PDE11A: variants seen among roughly 807,000 people sequenced by gnomAD.
PDE11A encodes phosphodiesterase 11A, also known as dual 3',5'-cyclic-AMP and -GMP phosphodiesterase 11A.
A neutral mutation model predicts 100.5 loss-of-function variants in PDE11A; 100 were observed. The observed-to-expected ratio is 1.00, with a 90% CI of 0.85 to 1.18. PDE11A has a LOEUF of 1.18. Among genes scored for constraint, PDE11A ranks in the 50% most tolerant of loss-of-function variants. PDE11A has a pLI of 0.00. For synonymous variants in PDE11A, 381 were observed against 420.8 expected (o/e 0.91, Z 1.16); for missense variants, 1,141 against 1,152.6 (o/e 0.99, Z 0.15).
At chr2:177,743,696 A>C (rs911066926) in intron 10 of PDE11A, among the ~76,000 whole-genome samples, 1 of 152,232 alleles carries the variant, frequency 6.6e-6, no homozygotes, top group Non-Finnish European at 1.5e-5. Flanking sequence ...AGGCTTAGAG[A>C]GTTAACTAAC....
At chr2:177,833,967 G>A (rs1262307658) in intron 6 of PDE11A, among the ~76,000 whole-genome samples, 1 of 152,234 alleles carries the variant, frequency 6.6e-6, no homozygotes, top group Non-Finnish European at 1.5e-5. Flanking sequence ...GGGGAATGGT[G>A]TGGAGCCACC....
At chr2:177,898,010 T>C in intron 4 of PDE11A, 48 bp downstream of exon 4, 4 of 1,447,396 alleles carry the variant, frequency 2.8e-6, no homozygotes, top group Non-Finnish European at 3.9e-6. Flanking sequence ...AACTCAACTT[T>C]ATTCCATTCA....
intron 1 of PDE11A, among the ~76,000 whole-genome samples, chr2:178,070,234 A>G (rs1458610551): frequency 6.6e-6 from 1 of 152,244 alleles, no homozygotes; most frequent in Non-Finnish European, 1.5e-5. Context: ...CACTTAGTCT[A>G]TAATAAAAAG....
intron 1 of PDE11A, among the ~76,000 whole-genome samples, chr2:178,059,581 T>C (rs1392886882): frequency 6.6e-6 from 1 of 152,216 alleles, no homozygotes; most frequent in Non-Finnish European, 1.5e-5. Flanking sequence ...CTGGGTCTGA[T>C]CCCAGTTCTT....
intron 19 of PDE11A, among the ~76,000 whole-genome samples, chr2:177,648,826 G>A (rs1236474105): frequency 1.3e-5 from 2 of 151,872 alleles, no homozygotes; most frequent in Non-Finnish European, 2.9e-5. Context: ...AAGAAAACTA[G>A]GTAAGATAAA....
intron 2 of PDE11A, among the ~76,000 whole-genome samples, chr2:177,991,623 A>C (rs1275491984): frequency 6.6e-6 from 1 of 151,246 alleles, no homozygotes; most frequent in Admixed American, 6.6e-5. Context: ...CAACAGAGTG[A>C]GACTCCATTT....
chr2:177,779,350 T>C (rs2082421246), intron 9 of PDE11A, among the ~76,000 whole-genome samples: 2 of 152,198 alleles, frequency 1.3e-5, no homozygotes, highest in Admixed American at 6.6e-5. Flanking sequence ...TTTCATAAAA[T>C]AAGACAATGA....
intron 1 of PDE11A, among the ~76,000 whole-genome samples, chr2:178,042,632 A>T (rs2086698462): frequency 1.3e-5 from 2 of 152,168 alleles, no homozygotes; most frequent in African/African-American, 4.8e-5. Flanking sequence ...AAATTGAAAG[A>T]TATTAATGTG....
chr2:177,703,462 G>A (rs956633627), intron 13 of PDE11A, among the ~76,000 whole-genome samples: 2 of 152,088 alleles, frequency 1.3e-5, no homozygotes, highest in Non-Finnish European at 2.9e-5. Context: ...ATACATTTCT[G>A]ACATTTGATT....
chr2:177,788,376 C>T (rs1313230990), intron 9 of PDE11A, among the ~76,000 whole-genome samples: 19 of 148,232 alleles, frequency 1.3e-4, no homozygotes, highest in South Asian at 6.7e-4. Flanking sequence ...ATCTCTGGGA[C>T]GCATTCAAAG....
chr2:178,047,985 C>T (rs756912877), intron 1 of PDE11A, among the ~76,000 whole-genome samples: 3 of 152,138 alleles, frequency 2.0e-5, no homozygotes, highest in East Asian at 1.9e-4. Flanking sequence ...ACAAGGCCCT[C>T]GAATAATCTG....
chr2:177,644,096 G>GC (rs1288288256), intron 19 of PDE11A, among the ~76,000 whole-genome samples: 1 of 152,224 alleles, frequency 6.6e-6, no homozygotes, highest in Non-Finnish European at 1.5e-5. Context: ...GTGGGGGGGA[G>GC]CCCCCACACA....
At chr2:178,015,311 T>C (rs980297522) in intron 1 of PDE11A, among the ~76,000 whole-genome samples, 2 of 152,154 alleles carry the variant, frequency 1.3e-5, no homozygotes, top group Non-Finnish European at 2.9e-5. Flanking sequence ...TTGTCAAATG[T>C]GTAACGTGAA....
At chr2:177,751,998 C>T (rs73030350) in intron 10 of PDE11A, among the ~76,000 whole-genome samples, 4,324 of 152,106 alleles carry the variant, frequency 0.028, 189 homozygotes, top group African/African-American at 0.099. Flanking sequence ...GGACTTGAAC[C>T]CACGTCTAGT....
At chr2:177,873,232 G>C (rs2084171518) in intron 5 of PDE11A, among the ~76,000 whole-genome samples, 1 of 152,158 alleles carries the variant, frequency 6.6e-6, no homozygotes, top group Non-Finnish European at 1.5e-5. Flanking sequence ...GACTTCAAAA[G>C]TTGTGTTTTA....
In PDE11A at chr2:177,942,346, C is replaced by T. The variant is rs141026848; in HGVS notation, c.1072-37159G>A. 2.5e-4 allele frequency among the ~76,000 whole-genome samples: 38 copies of T among 152,172 alleles called. No homozygotes were observed. The East Asian group carries it at 4.2e-3, about 17-fold the overall frequency. On this transcript the variant is annotated intron_variant, in intron 2 of 19. Coordinates refer to ENST00000286063, the MANE Select transcript of PDE11A (RefSeq NM_016953.4). ...ACAGGACCTGGCACCTAACAAGTGCCCAGCAAATGTTAGCTATTATTCCTT... is the reference window on the plus strand; with the variant it reads ...ACAGGACCTGGCACCTAACAAGTGCTCAGCAAATGTTAGCTATTATTCCTT...
At chr2:177,651,245 G>C (rs2080303822) in intron 19 of PDE11A, among the ~76,000 whole-genome samples, 1 of 152,202 alleles carries the variant, frequency 6.6e-6, no homozygotes, top group Admixed American at 6.5e-5. Context: ...ATTTACAGCA[G>C]AGATACTGAG....
In PDE11A at chr2:178,072,562, G is replaced by T; in HGVS notation, c.-125C>A. ...TCCCAGTTCAGCGCCACCTCCCCTG[G>T]AGATTATTCCCAGCAGTGGAATCTG... On this transcript the variant is annotated 5_prime_UTR_variant, in exon 1 of 20. Coordinates refer to ENST00000286063, the MANE Select transcript of PDE11A (RefSeq NM_016953.4). The T allele has an allele frequency of 2.1e-5, 32 of 1,538,108 alleles. No homozygotes were observed. Among genetic ancestry groups the T allele is most frequent in the Non-Finnish European group, 2.8e-5 (32 of 1,148,820 alleles).
intron 15 of PDE11A, among the ~76,000 whole-genome samples, chr2:177,684,892 C>G (rs1002596124): frequency 6.6e-6 from 1 of 152,170 alleles, no homozygotes; most frequent in Admixed American, 6.5e-5. Context: ...AGCTAAGATA[C>G]ATCCAGGGTG....
Sources: gnomAD v4.1 joint callset for allele counts (sites outside exome capture counted in the v4.1 genomes callset) on GRCh38, gnomAD v4.1.1 for gene constraint, MANE v1.5 for transcripts, NCBI Gene and HGNC (gene_info 2026-07-23, HGNC 2026-07-21) for gene names.